The following HSPA12B variants were observed in gnomAD, a reference collection of about 807,000 sequenced individuals.
HSPA12B encodes heat shock protein family A (Hsp70) member 12B, also known as heat shock 70 kDa protein 12B.
Under a neutral mutation model 69.3 loss-of-function variants are expected in HSPA12B, and 54 were observed. The observed-to-expected ratio is 0.78, with a 90% CI of 0.63 to 0.98. The LOEUF is 0.98. HSPA12B is among the 50% of genes least tolerant of loss of function. The pLI is 0.00. For synonymous variants in HSPA12B, 441 were observed against 436.5 expected, an observed-to-expected ratio of 1.01 and a Z score of -0.13; for missense variants, 929 against 999.8, an observed-to-expected ratio of 0.93 and a Z score of 0.96.
rs897902886 is a variant in HSPA12B, at chr20:3,751,776, G to A, written c.1671G>A (p.Pro557=). Residue 557 remains proline (P), a synonymous_variant, in exon 13 of 13, where the codon CCG becomes CCA. Coordinates refer to ENST00000254963, the MANE Select transcript of HSPA12B (RefSeq NM_052970.5). ...ACCGCTTTGTGCCTGGGCGCCACCC[G>A]CCCGAAAAGCTGCTGGTTCGCGACG... ...VLNRFVPGRH[P]PEKLLVRDGR... 14 of 1,526,182 alleles carry A rather than the reference G, an allele frequency of 9.2e-6. 1 individual carries two copies. In the Admixed American group the frequency reaches 1.0e-4, roughly 11 times the overall value. The allele number at this position is 1,526,182 out of a possible 1,614,324, so 94.5% of individuals were successfully genotyped here.
Position 3,738,698 on chromosome 20 carries a change from C to T in HSPA12B, c.24C>T (p.Gly8=). ...GGATGTTGGCTGTCCCGGAGATGGG[C>T]CTGCAGGGGCTGTACATCGGTAAGA... The part of the protein sequence containing the change: MLAVPEM[G]LQGLYIGSSP... The change falls in exon 2 of 13, where the codon GGC becomes GGT. Residue 8 remains glycine (G), a synonymous_variant. Coordinates refer to ENST00000254963, the MANE Select transcript of HSPA12B (RefSeq NM_052970.5). 1 of 1,614,142 alleles carries T rather than the reference C, an allele frequency of 6.2e-7. No individual in the cohort carries two copies. The highest frequency in any genetic ancestry group is 1.1e-5 in the South Asian group (1 of 91,078).
At chr20:3,742,482 G>A (rs969955203) in intron 4 of HSPA12B, 74 bp downstream of exon 4, 1 of 1,236,516 alleles carries the variant, frequency 8.1e-7, no homozygotes, top group Non-Finnish European at 1.2e-6. Flanking sequence ...CAAAAGTACT[G>A]TCACCGAGAC....
chr20:3,749,265 G>T lies in HSPA12B; in HGVS notation c.884G>T (p.Arg295Leu). The T allele has an allele frequency of 6.2e-7, 1 of 1,613,594 alleles. No individual in the cohort carries two copies. Among genetic ancestry groups the T allele is most frequent in the Non-Finnish European group, 8.5e-7 (1 of 1,179,830 alleles). The change falls in exon 9 of 13, where the codon CGC (arginine) becomes CTC (leucine). Residue 295 changes from arginine to leucine, a missense_variant. By Grantham distance (102) the Arg-to-Leu change is moderately radical. Transcript: ENST00000254963. This position sits in a 1 kb window ranked among gnomAD's most constrained non-coding sequence, Gnocchi z 5.5. Reference protein sequence around the residue: ...REQLRRSRHSRTFLVESGVGE... With the variant: ...REQLRRSRHSLTFLVESGVGE... ...CAGCTGCGAAGGTCCCGCCACAGCC[G>T]CACGTTCCTGGTGGAGTCAGGCGTA...
Position 3,752,251 on chromosome 20 carries a change from G to C in HSPA12B, c.*85G>C. 1 of 1,281,628 alleles carries C rather than the reference G, an allele frequency of 7.8e-7. No individual in the cohort carries two copies. The highest frequency in any genetic ancestry group is 2.9e-5 in the East Asian group (1 of 34,824). 79.4% of individuals were successfully genotyped at this position (1,281,628 alleles called of 1,614,324 possible). ...GCCTGCGGAGCGGGTTGGGGCGGGG[G>C]AAACGATAGTTCTGCAGTCTGCGCC... On this transcript the variant is annotated 3_prime_UTR_variant, in exon 13 of 13. Coordinates refer to ENST00000254963, the MANE Select transcript of HSPA12B (RefSeq NM_052970.5).
chr20:3,749,307 A>T lies in HSPA12B; in HGVS notation c.926A>T (p.Glu309Val). The T allele has an allele frequency of 6.2e-7, 1 of 1,613,362 alleles. No homozygotes were observed. Among genetic ancestry groups the T allele is most frequent in the Non-Finnish European group, 8.5e-7 (1 of 1,179,750 alleles). ...VESGVGELWA[E>V]MQAGDRYVVA... ...TCAGGCGTAGGAGAGCTGTGGGCAG[A>T]GATGCAAGCAGGTAGGGGGAAAGGG... The change falls in exon 9 of 13, where the codon GAG (glutamate) becomes GTG (valine). Residue 309 changes from glutamate to valine, a missense_variant. Coordinates refer to ENST00000254963, the MANE Select transcript of HSPA12B (RefSeq NM_052970.5). The surrounding 1 kb of genome is among the most constrained non-coding windows in gnomAD (Gnocchi z 5.5).
intron 2 of HSPA12B, among the ~76,000 whole-genome samples, chr20:3,739,133 G>T (rs1378150980): frequency 6.6e-6 from 1 of 152,192 alleles, no homozygotes; most frequent in Non-Finnish European, 1.5e-5. Context: ...CTGCGGGCAG[G>T]TCTCTGTGCA....
chr20:3,746,554 G>A (rs576666186), intron 7 of HSPA12B, among the ~76,000 whole-genome samples: 57 of 151,862 alleles, frequency 3.8e-4, no homozygotes, highest in African/African-American at 8.0e-4. Flanking sequence ...CGCCCGCCTC[G>A]GCCTCCCAAA....
chr20:3,742,898 G>T (rs922011408), intron 4 of HSPA12B, among the ~76,000 whole-genome samples: 4 of 151,120 alleles, frequency 2.6e-5, no homozygotes, highest in African/African-American at 9.7e-5. Flanking sequence ...TTTTGAGACG[G>T]AGTCTCACTC....
chr20:3,743,022 C>G (rs2088231359), intron 4 of HSPA12B, among the ~76,000 whole-genome samples: 1 of 149,628 alleles, frequency 6.7e-6, no homozygotes, highest in Non-Finnish European at 1.5e-5. Flanking sequence ...TACAGGCGAC[C>G]GCCACCACAC....
Position 3,752,509 on chromosome 20 carries a change from G to T in HSPA12B, c.*343G>T. ...GAAGAGTCCTGGTCTGAACTTGGCC[G>T]AGTAGGGGTGGGGGTGGGATGGCAG... is the stretch of plus-strand genomic sequence containing the variant. On this transcript the variant is annotated 3_prime_UTR_variant, in exon 13 of 13. Coordinates refer to ENST00000254963, the MANE Select transcript of HSPA12B (RefSeq NM_052970.5). The T allele has an allele frequency of 5.3e-6, 1 of 188,790 alleles. No homozygotes were observed. Among genetic ancestry groups the T allele is most frequent in the Non-Finnish European group, 1.1e-5 (1 of 91,206 alleles). The allele number at this position is 188,790 out of a possible 1,614,324, so 11.7% of individuals were successfully genotyped here. A position where few individuals can be genotyped will look rare whatever the true frequency, so the allele number is the denominator to read the frequency against.
intron 7 of HSPA12B, among the ~76,000 whole-genome samples, chr20:3,746,575 T>C (rs1028503475): frequency 6.6e-5 from 10 of 152,040 alleles, no homozygotes; most frequent in East Asian, 3.9e-4. Flanking sequence ...GTGCTGGGAT[T>C]ACAGGCGTGA....
At position 3,745,082 on chromosome 20, in the gene HSPA12B, C is replaced by A. The variant is rs771590822; in HGVS notation, c.447C>A (p.Ser149Arg). 27 of 1,612,818 alleles carry A rather than the reference C, an allele frequency of 1.7e-5. No individual in the cohort carries two copies. Among genetic ancestry groups the A allele is most frequent in the South Asian group, 2.2e-5 (2 of 91,022 alleles). The change falls in exon 5 of 13, where the codon AGC (serine) becomes AGA (arginine). Residue 149 changes from serine to arginine, a missense_variant. Ser to Arg is a moderately radical substitution (Grantham distance 110, BLOSUM62 -1). Coordinates refer to ENST00000254963, the MANE Select transcript of HSPA12B (RefSeq NM_052970.5). This position sits in a 1 kb window ranked among gnomAD's most constrained non-coding sequence, Gnocchi z 5.6. ...AGAAGTTCAAGATGAAGATCCACAG[C>A]GCCACGGTGAGTCACAGGGCTCCAG... ...YFEKFKMKIH[S>R]ATDLTLKTQL... is the part of the protein sequence containing the mutation.
chr20:3,734,394 G>A (rs968175897), intron 1 of HSPA12B, among the ~76,000 whole-genome samples: 5 of 152,190 alleles, frequency 3.3e-5, no homozygotes, highest in African/African-American at 4.8e-5. Context: ...TCAGTCCATG[G>A]GCAGGGTTAG....
rs539187642 is a variant in HSPA12B at position 3,745,701 on chromosome 20, C to A, written c.558+104C>A. The A allele has an allele frequency of 1.8e-6, 2 of 1,087,292 alleles. No individual in the cohort carries two copies. Among genetic ancestry groups the A allele is most frequent in the East Asian group, 4.9e-5 (2 of 41,172 alleles). 67.4% of individuals were successfully genotyped at this position (1,087,292 alleles called of 1,614,324 possible). A position where few individuals can be genotyped will look rare whatever the true frequency, so the allele number is the denominator to read the frequency against. The stretch of plus-strand genomic sequence containing the variant: ...GTCCCCGACATTGGATGGGTAGCCA[C>A]CGCCGGAGCTCAGAGGTCATCTTCT... On this transcript the variant is annotated intron_variant, in intron 6 of 12. Transcript: ENST00000254963. This position sits in a 1 kb window ranked among gnomAD's most constrained non-coding sequence, Gnocchi z 5.6.
chr20:3,735,654 C>A (rs574605320), intron 1 of HSPA12B, among the ~76,000 whole-genome samples: 1 of 152,070 alleles, frequency 6.6e-6, no homozygotes, highest in Admixed American at 6.5e-5. Flanking sequence ...TTAGTAGAGA[C>A]AAGGTTTCAC....
At chr20:3,734,394 G>C (rs968175897) in intron 1 of HSPA12B, among the ~76,000 whole-genome samples, 1 of 152,190 alleles carries the variant, frequency 6.6e-6, no homozygotes, top group East Asian at 1.9e-4. Flanking sequence ...TCAGTCCATG[G>C]GCAGGGTTAG....
Position 3,749,960 on chromosome 20 carries a change from C to T in HSPA12B, c.1043-9C>T. ...GCTGACGCCCTCTTCGCCCCCTGCT[C>T]CACCCCAGGGGGCCCTTATGGCGCG... On this transcript the variant is annotated splice_polypyrimidine_tract_variant and intron_variant, in intron 10 of 12. Coordinates refer to ENST00000254963, the MANE Select transcript of HSPA12B (RefSeq NM_052970.5). This position sits in a 1 kb window ranked among gnomAD's most constrained non-coding sequence, Gnocchi z 5.5. 1.3e-6 allele frequency: 2 copies of T among 1,556,586 alleles called. No individual in the cohort carries two copies. Among genetic ancestry groups the T allele is most frequent in the Non-Finnish European group, 1.7e-6 (2 of 1,148,486 alleles).
At chr20:3,743,985 C>T (rs1050797286) in intron 4 of HSPA12B, among the ~76,000 whole-genome samples, 2 of 152,138 alleles carry the variant, frequency 1.3e-5, no homozygotes, top group African/African-American at 2.4e-5. Context: ...AGACATGTTT[C>T]AAAAATCCAT....
At position 3,750,182 on chromosome 20, in the gene HSPA12B, G is replaced by A. The variant is rs1289168059; in HGVS notation, c.1256G>A (p.Arg419His). The change falls in exon 11 of 13, where the codon CGC becomes CAC. Residue 419 changes from arginine (R) to histidine (H), a missense_variant. Arg to His is a conservative substitution (Grantham distance 29). Around this residue, in one of 3 missense-constraint regions of HSPA12B, gnomAD observed 448 missense variants for 448.1 expected, o/e 1.00. Coordinates refer to ENST00000254963, the MANE Select transcript of HSPA12B (RefSeq NM_052970.5). Reference sequence around the variant, plus strand: ...CCCTTCTCCTTCATTGACTTCTACCGCAAGCAGCGGGGCCACAACGTGGAG... The same window carrying A: ...CCCTTCTCCTTCATTGACTTCTACCACAAGCAGCGGGGCCACAACGTGGAG... ...SLPFSFIDFY[R>H]KQRGHNVETA... 1.2e-6 allele frequency: 2 copies of A among 1,609,458 alleles called. No individual in the cohort carries two copies. The highest frequency in any genetic ancestry group is 2.2e-5 in the East Asian group (1 of 44,718).
Sources: gnomAD v4.1 joint callset for allele counts (sites outside exome capture counted in the v4.1 genomes callset) on GRCh38, gnomAD v4.1.1 for gene constraint, gnomAD v4.1.1 regional missense constraint, Gnocchi (gnomAD v3.1) non-coding constraint, MANE v1.5 for transcripts, NCBI Gene and HGNC (gene_info 2026-07-23, HGNC 2026-07-21) for gene names.